PIEZO2: variants seen among roughly 807,000 people sequenced by gnomAD.
PIEZO2 encodes piezo-type mechanosensitive ion channel component 2.
PIEZO2 carries 172 observed loss-of-function variants against 337.3 expected under a neutral mutation model. The observed-to-expected ratio is 0.51, with a 90% confidence interval of 0.45 to 0.58. PIEZO2 has a LOEUF of 0.58. PIEZO2 is among the 20% of genes least tolerant of loss of function. PIEZO2 has a pLI of 0.00. For synonymous variants in PIEZO2, 1,251 were observed against 1,228.5 expected (o/e 1.02, Z -0.38); for missense variants, 3,028 against 3,391.3 (o/e 0.89, Z 2.66).
intron 4 of PIEZO2, among the ~76,000 whole-genome samples, chr18:10,875,214 A>G (rs1191630281): frequency 6.6e-6 from 1 of 152,220 alleles, no homozygotes; most frequent in Non-Finnish European, 1.5e-5. Context: ...CTTAAAATAC[A>G]GCAAATTCCT....
At chr18:11,134,922 G>A (rs2040439066) in intron 1 of PIEZO2, among the ~76,000 whole-genome samples, 2 of 151,952 alleles carry the variant, frequency 1.3e-5, no homozygotes, top group Non-Finnish European at 2.9e-5. Context: ...AGTGCCCAAG[G>A]AGGATCAGCA....
intron 5 of PIEZO2, among the ~76,000 whole-genome samples, chr18:10,867,683 T>A (rs984433218): frequency 6.6e-6 from 1 of 152,222 alleles, no homozygotes; most frequent in Non-Finnish European, 1.5e-5. Context: ...AAATCTCATA[T>A]AATAGCTAGA....
chr18:10,997,249 A>G (rs546031078), intron 2 of PIEZO2, among the ~76,000 whole-genome samples: 26 of 152,062 alleles, frequency 1.7e-4, no homozygotes, highest in African/African-American at 5.3e-4. Context: ...GCCTGCAAAA[A>G]AAAAAAAAAG....
chr18:10,998,823 A>T (rs73396581), intron 2 of PIEZO2, among the ~76,000 whole-genome samples: 109 of 151,282 alleles, frequency 7.2e-4, no homozygotes, highest in African/African-American at 2.5e-3. Context: ...TTTTATTCAT[A>T]CATTTTATTT....
chr18:10,780,241 T>A, intron 18 of PIEZO2, 84 bp downstream of exon 18: 1 of 692,004 alleles, frequency 1.4e-6, no homozygotes, highest in East Asian at 2.7e-5. Context: ...ACAACACGAT[T>A]TTCATGTATA....
chr18:10,715,061 G>T, intron 38 of PIEZO2, 131 bp from the exon 39 acceptor site: 1 of 875,086 alleles, frequency 1.1e-6, no homozygotes, highest in Non-Finnish European at 1.7e-6. Context: ...TGCTAGGCAA[G>T]TGGGGATTGA....
rs554045410 is a variant in PIEZO2, at chr18:10,870,516, T to A, written c.492+737A>T. Among the ~76,000 whole-genome samples the A allele has an allele frequency of 7.2e-5, 11 of 152,318 alleles. No individual in the cohort carries two copies. The highest frequency in any genetic ancestry group is 3.4e-3 in the Middle Eastern group (1 of 294). The stretch of plus-strand genomic sequence containing the variant: ...ATAAATCAATTACTCTTTAAACTGA[T>A]GTCTCCTAACCTCACCTAACAAAGT... On this transcript the variant is annotated intron_variant, in intron 5 of 55. Coordinates refer to ENST00000674853, the MANE Select transcript of PIEZO2 (RefSeq NM_001378183.1). This position sits in a 1 kb window ranked among gnomAD's most constrained non-coding sequence, Gnocchi z 5.3.
intron 27 of PIEZO2, among the ~76,000 whole-genome samples, chr18:10,753,893 T>A (rs1381226771): frequency 6.6e-6 from 1 of 152,210 alleles, no homozygotes; most frequent in Non-Finnish European, 1.5e-5. Flanking sequence ...CTTCCTTGAC[T>A]TCATAATGGA....
chr18:11,055,243 A>AAGGGGC (rs112550000), intron 2 of PIEZO2, among the ~76,000 whole-genome samples: 9,478 of 147,842 alleles, frequency 0.064, 871 homozygotes, highest in African/African-American at 0.19. Flanking sequence ...GAATTTCACC[A>AAGGGGC]AGGGGCAGGG....
At chr18:10,791,405 C>T (rs1414320240) in intron 13 of PIEZO2, 81 bp from the exon 14 acceptor site, 4 of 1,359,992 alleles carry the variant, frequency 2.9e-6, no homozygotes, top group South Asian at 1.5e-5. Flanking sequence ...ACATTTTCTC[C>T]GCATTCCAGT....
chr18:10,904,817 A>G (rs1020615834), intron 4 of PIEZO2, among the ~76,000 whole-genome samples: 2 of 152,248 alleles, frequency 1.3e-5, no homozygotes, highest in Admixed American at 6.5e-5. Flanking sequence ...TTGTTCGCCC[A>G]GCATAACTCA....
intron 30 of PIEZO2, among the ~76,000 whole-genome samples, chr18:10,745,378 C>T (rs886447680): frequency 7.2e-5 from 11 of 152,172 alleles, no homozygotes; most frequent in Admixed American, 2.0e-4. Context: ...AACCGACACA[C>T]GACCACATCC....
rs1393455278 is a variant in PIEZO2, at chr18:11,148,680, C to A, written c.-92G>T. Reference sequence around the variant, plus strand: ...AGGCCCATGCCCGTCTATGGCCTCTCGCCGCCGGCAGCTCGCAGCCACCCG... The same window carrying A: ...AGGCCCATGCCCGTCTATGGCCTCTAGCCGCCGGCAGCTCGCAGCCACCCG... On this transcript the variant is annotated 5_prime_UTR_variant, in exon 1 of 56. An upstream open reading frame in the 5' UTR gains an earlier in-frame stop. Coordinates refer to ENST00000674853, the MANE Select transcript of PIEZO2 (RefSeq NM_001378183.1). This position sits in a 1 kb window ranked among gnomAD's most constrained non-coding sequence, Gnocchi z 5.2. 9 of 1,366,126 alleles carry A rather than the reference C, an allele frequency of 6.6e-6. No individual in the cohort carries two copies. Among genetic ancestry groups the A allele is most frequent in the Admixed American group, 2.1e-5 (1 of 48,748 alleles). The allele number at this position is 1,366,126 out of a possible 1,614,324, so 84.6% of individuals were successfully genotyped here.
chr18:11,092,153 G>A lies in PIEZO2; in HGVS notation c.65-25931C>T, dbSNP rs1364788680. Among the ~76,000 whole-genome samples, 1 of 152,206 alleles carries A rather than the reference G, an allele frequency of 6.6e-6. No individual in the cohort carries two copies. Among genetic ancestry groups the A allele is most frequent in the Non-Finnish European group, 1.5e-5 (1 of 68,040 alleles). On this transcript the variant is annotated intron_variant, in intron 1 of 55. Transcript: ENST00000674853. The surrounding 1 kb of genome is among the most constrained non-coding windows in gnomAD (Gnocchi z 4.5). ...CTATAGAAAGAGATCTCAGGACAGA[G>A]ATTAATGGAGCATAATTCTCGTCCA...
chr18:10,942,517 T>A lies in PIEZO2; in HGVS notation c.287-31289A>T, dbSNP rs1302964317. 6.6e-6 allele frequency among the ~76,000 whole-genome samples: 1 copy of A among 152,138 alleles called. No homozygotes were observed. The highest frequency in any genetic ancestry group is 2.4e-5 in the African/African-American group (1 of 41,428). On this transcript the variant is annotated intron_variant, in intron 3 of 55. Coordinates refer to ENST00000674853, the MANE Select transcript of PIEZO2 (RefSeq NM_001378183.1). The surrounding 1 kb of genome is among the most constrained non-coding windows in gnomAD (Gnocchi z 4.4). ...CTAGAGATTTGTGGAACTTTGAACTTGAGAGAGATGATTTAGGGTATCTGG... is the reference window on the plus strand; with the variant it reads ...CTAGAGATTTGTGGAACTTTGAACTAGAGAGAGATGATTTAGGGTATCTGG...
intron 1 of PIEZO2, among the ~76,000 whole-genome samples, chr18:11,098,969 A>AT (rs1173994923): frequency 1.5e-5 from 2 of 136,184 alleles, no homozygotes; most frequent in South Asian, 2.9e-4. Context: ...GTATAATTTA[A>AT]ATTTTTTTTT....
At chr18:10,797,235 A>G in intron 12 of PIEZO2, 139 bp downstream of exon 12, 3 of 628,734 alleles carry the variant, frequency 4.8e-6, no homozygotes, top group Non-Finnish European at 8.0e-6. Flanking sequence ...TATATGTACT[A>G]TCATGTCATA....
intron 2 of PIEZO2, among the ~76,000 whole-genome samples, chr18:11,045,184 C>T (rs2037259093): frequency 6.7e-6 from 1 of 150,104 alleles, no homozygotes; most frequent in Admixed American, 6.7e-5. Context: ...GTAGTCTCAG[C>T]TACCTGGGAG....
chr18:11,020,018 C>A (rs1471011528), intron 2 of PIEZO2, among the ~76,000 whole-genome samples: 1 of 152,094 alleles, frequency 6.6e-6, no homozygotes, highest in East Asian at 1.9e-4. Context: ...TTTATCTATT[C>A]TTCTGACCCA....
Sources: gnomAD v4.1 joint callset for allele counts (sites outside exome capture counted in the v4.1 genomes callset) on GRCh38, gnomAD v4.1.1 for gene constraint, Gnocchi (gnomAD v3.1) non-coding constraint, MANE v1.5 for transcripts, NCBI Gene and HGNC (gene_info 2026-07-23, HGNC 2026-07-21) for gene names.